DPF2: variants seen among roughly 807,000 people sequenced by gnomAD.
The protein encoded by DPF2 is zinc finger protein ubi-d4.
In DPF2, 10 loss-of-function variants were observed where a neutral mutation model predicts 59.6. That is an observed-to-expected ratio of 0.17 (90% confidence interval 0.10 to 0.28). DPF2 has a LOEUF of 0.28. DPF2 is among the 10% of genes least tolerant of loss of function. DPF2 has a pLI of 1.00. For missense variants in DPF2, 315 were observed against 509.4 expected (o/e 0.62, Z 3.67); for synonymous variants, 189 against 190.6 (o/e 0.99, Z 0.07).
chr11:65,343,299 C>CAAAAAAAA, intron 4 of DPF2, among the ~76,000 whole-genome samples: 1 of 58,018 alleles, frequency 1.7e-5, no homozygotes, highest in Non-Finnish European at 3.1e-5. Context: ...AACTCTGTCT[C>CAAAAAAAA]AAAAAAAAAA....
At position 65,345,671 on chromosome 11, in the gene DPF2, GGA is replaced by G; in HGVS notation, c.644_645del (p.Gly215GlufsTer20). The G allele has an allele frequency of 6.2e-7, 1 of 1,614,078 alleles. No individual in the cohort carries two copies. The highest frequency in any genetic ancestry group is 8.5e-7 in the Non-Finnish European group (1 of 1,180,006). ...GCAATCTTCTTCCCACTCAGTTTGT[GGA>G]AAACGTTACAAGAACCGACCAGGCC... is the stretch of plus-strand genomic sequence containing the variant. ...RDKPYACDIC[G>X]KRYKNRPGLS... On this transcript the variant is annotated frameshift_variant, in exon 7 of 11. Coordinates refer to ENST00000528416, the MANE Select transcript of DPF2 (RefSeq NM_006268.5). LOFTEE classifies it high-confidence loss of function.
At chr11:65,341,957 T>A (rs1050377814) in intron 4 of DPF2, 2 of 158,864 alleles carry the variant, frequency 1.3e-5, no homozygotes, top group African/African-American at 4.9e-5. Context: ...AAAAAAATAA[T>A]AATTAAAAAA....
chr11:65,336,016 G>C (rs1950090849), intron 1 of DPF2, among the ~76,000 whole-genome samples: 1 of 151,522 alleles, frequency 6.6e-6, no homozygotes, highest in South Asian at 2.1e-4. Flanking sequence ...GTTTCACCAT[G>C]TTGGCCAGGC....
chr11:65,335,813 CTTT>C (rs1215223629), intron 1 of DPF2, among the ~76,000 whole-genome samples: 1 of 151,548 alleles, frequency 6.6e-6, no homozygotes, highest in Non-Finnish European at 1.5e-5. Context: ...CTCATCTTTT[CTTT>C]TTTTTTATTT....
rs1565536084 is a variant in DPF2, at chr11:65,344,080, C to A, written c.637+11C>A. 1 of 1,614,020 alleles carries A rather than the reference C, an allele frequency of 6.2e-7. No individual in the cohort carries two copies. Among genetic ancestry groups the A allele is most frequent in the Non-Finnish European group, 8.5e-7 (1 of 1,179,926 alleles). On this transcript the variant is annotated intron_variant, in intron 6 of 10. Transcript: ENST00000528416. The stretch of plus-strand genomic sequence containing the variant: ...CCTATGCCTGTGACAGTGAGTGCCT[C>A]ACAAGTGGGTGGGTAGACCTTGCCT...
At position 65,344,353 on chromosome 11, in the gene DPF2, G is replaced by A. The variant is rs894708373; in HGVS notation, c.637+284G>A. 1.1e-5 allele frequency: 7 copies of A among 611,964 alleles called. No individual in the cohort carries two copies. The Admixed American group carries it at 1.2e-4, about 10-fold the overall frequency. The allele number at this position is 611,964 out of a possible 1,614,324, so 37.9% of individuals were successfully genotyped here. A position where few individuals can be genotyped will look rare whatever the true frequency, so the allele number is the denominator to read the frequency against. On this transcript the variant is annotated intron_variant, in intron 6 of 10. Coordinates refer to ENST00000528416, the MANE Select transcript of DPF2 (RefSeq NM_006268.5). ...TTGGCCTCTCAACAGATGGCCTGCA[G>A]GTCTCCTGGCCTCAGTTAAGCCAGG...
At chr11:65,346,526 A>C in intron 9 of DPF2, 167 bp downstream of exon 9, 1 of 614,712 alleles carries the variant, frequency 1.6e-6, no homozygotes. Flanking sequence ...GTTGCCAGAT[A>C]TATATTGAGT....
intron 4 of DPF2, among the ~76,000 whole-genome samples, chr11:65,343,055 T>A (rs1854422132): frequency 6.6e-6 from 1 of 150,850 alleles, no homozygotes; most frequent in Middle Eastern, 3.5e-3. Context: ...ATCCCAGCAC[T>A]TTGGGAGGCC....
intron 2 of DPF2, 59 bp downstream of exon 2, chr11:65,340,604 C>T (rs1854335552): frequency 6.3e-7 from 1 of 1,589,824 alleles, no homozygotes; most frequent in Admixed American, 1.7e-5. Flanking sequence ...GAAGCCTCCT[C>T]ATCTTAGGTG....
At chr11:65,337,494 T>TAG (rs1222306853) in intron 1 of DPF2, among the ~76,000 whole-genome samples, 2 of 62,570 alleles carry the variant, frequency 3.2e-5, no homozygotes, top group African/African-American at 6.5e-5. Flanking sequence ...TATATATATA[T>TAG]ATATATATAT....
Position 65,341,599 on chromosome 11 carries a change from G to A in DPF2, c.465+37G>A, listed in dbSNP as rs774350717. On this transcript the variant is annotated intron_variant, in intron 4 of 10. Coordinates refer to ENST00000528416, the MANE Select transcript of DPF2 (RefSeq NM_006268.5). Reference sequence around the variant, plus strand: ...TCCCTGTGGCTAAGGGAGCTTTGATGGAAATCAGCCTCCTCTTCACTGGGG... The same window carrying A: ...TCCCTGTGGCTAAGGGAGCTTTGATAGAAATCAGCCTCCTCTTCACTGGGG... 6 of 1,608,840 alleles carry A rather than the reference G, an allele frequency of 3.7e-6. No homozygotes were observed. The South Asian group carries it at 6.6e-5, about 18-fold the overall frequency.
chr11:65,343,983 C>A lies in DPF2; in HGVS notation c.559-8C>A. On this transcript the variant is annotated splice_region_variant and splice_polypyrimidine_tract_variant and intron_variant, in intron 5 of 10. Transcript: ENST00000528416. ...AAAATAAGGGTGTCTCTTTGCTCTT[C>A]TTGGCAGGGTAAGGGTGTGGGCAGT... 1 of 1,614,174 alleles carries A rather than the reference C, an allele frequency of 6.2e-7. No homozygotes were observed. Among genetic ancestry groups the A allele is most frequent in the Non-Finnish European group, 8.5e-7 (1 of 1,180,014 alleles).
chr11:65,337,350 T>C (rs1303721443), intron 1 of DPF2, among the ~76,000 whole-genome samples: 4 of 147,728 alleles, frequency 2.7e-5, no homozygotes, highest in African/African-American at 5.0e-5. Flanking sequence ...GGCAAGAGAA[T>C]CGTTGGAACC....
At chr11:65,338,625 T>G (rs1463213271) in intron 1 of DPF2, among the ~76,000 whole-genome samples, 1 of 152,168 alleles carries the variant, frequency 6.6e-6, no homozygotes, top group Non-Finnish European at 1.5e-5. Flanking sequence ...CCTTCTCCAT[T>G]CTGCTCTCCA....
At chr11:65,351,630 A>C in intron 10 of DPF2, 53 bp from the exon 11 acceptor site, 1 of 1,511,878 alleles carries the variant, frequency 6.6e-7, no homozygotes, top group Non-Finnish European at 9.2e-7. Flanking sequence ...AGGAATTGCA[A>C]GCAGGTGGGG....
At chr11:65,348,984 A>T in intron 10 of DPF2, 53 bp downstream of exon 10, 1 of 1,584,808 alleles carries the variant, frequency 6.3e-7, no homozygotes, top group Non-Finnish European at 8.7e-7. Flanking sequence ...GTTACTTGGA[A>T]AATACTGAGT....
At chr11:65,347,448 C>G (rs531604606) in intron 9 of DPF2, 1 of 152,098 alleles carries the variant, frequency 6.6e-6, no homozygotes, top group Non-Finnish European at 1.5e-5. Context: ...ATCCTCCCAC[C>G]TCAGCCTCCC....
At chr11:65,351,321 G>A (rs1854691157) in intron 10 of DPF2, among the ~76,000 whole-genome samples, 1 of 152,168 alleles carries the variant, frequency 6.6e-6, no homozygotes, top group Non-Finnish European at 1.5e-5. Context: ...ATTATTTTGT[G>A]TTTTTTAGTG....
chr11:65,341,219 G>A, intron 3 of DPF2, 146 bp downstream of exon 3: 1 of 1,259,936 alleles, frequency 7.9e-7, no homozygotes, highest in Non-Finnish European at 1.1e-6. Context: ...CCTCAGTCTA[G>A]AAGGGGAGAC....
Sources: gnomAD v4.1 joint callset for allele counts (sites outside exome capture counted in the v4.1 genomes callset) on GRCh38, gnomAD v4.1.1 for gene constraint, MANE v1.5 for transcripts, NCBI Gene and HGNC (gene_info 2026-07-23, HGNC 2026-07-21) for gene names.